Variants in SHANK2 observed in about 807,000 individuals in gnomAD.
The protein encoded by SHANK2 is SH3 and multiple ankyrin repeat domains protein 2.
A neutral mutation model predicts 133.7 loss-of-function variants in SHANK2; 43 were observed. The ratio of observed to expected loss-of-function variants is 0.32; its 90% CI spans 0.25 to 0.41. The LOEUF (loss-of-function observed/expected upper bound fraction) is 0.41. Ranked by LOEUF, SHANK2 falls within the 10% of genes least tolerant of loss-of-function variation. The pLI, the probability that SHANK2 is intolerant of heterozygous loss-of-function variation, is 1.00. For missense variants in SHANK2, 1,994 were observed against 2,235.8 expected, an observed-to-expected ratio of 0.89 and a Z score of 2.18; for synonymous variants, 1,017 against 952.8, an observed-to-expected ratio of 1.07 and a Z score of -1.24.
chr11:70,571,720 C>T (rs2060047679), intron 17 of SHANK2, among the ~76,000 whole-genome samples: 1 of 151,976 alleles, frequency 6.6e-6, no homozygotes, highest in African/African-American at 2.4e-5. Flanking sequence ...GAGGTCGATA[C>T]TGGAGGAGTC....
intron 1 of SHANK2, among the ~76,000 whole-genome samples, chr11:71,234,855 T>A (rs1555123488): frequency 6.6e-6 from 1 of 151,606 alleles, no homozygotes; most frequent in Non-Finnish European, 1.5e-5. Flanking sequence ...TGTCACACCC[T>A]CCCCCTCTAA....
At chr11:70,586,356 C>A (rs553227776) in intron 17 of SHANK2, among the ~76,000 whole-genome samples, 3 of 152,232 alleles carry the variant, frequency 2.0e-5, no homozygotes, top group East Asian at 3.9e-4. Flanking sequence ...GGATCACTTG[C>A]GCCTTAGAAG....
chr11:71,161,839 A>T (rs1173025883), intron 2 of SHANK2, among the ~76,000 whole-genome samples: 2 of 152,210 alleles, frequency 1.3e-5, no homozygotes, highest in Non-Finnish European at 2.9e-5. Context: ...GGCCTTAGTC[A>T]CTCACATTTG....
chr11:71,211,192 C>CTTTT (rs34505384), intron 2 of SHANK2, among the ~76,000 whole-genome samples: 15 of 101,960 alleles, frequency 1.5e-4, no homozygotes, highest in African/African-American at 4.9e-4. Context: ...GGTCAATTTC[C>CTTTT]TTTTTTTTTT....
chr11:71,063,655 G>A (rs897666430), intron 9 of SHANK2, among the ~76,000 whole-genome samples: 2 of 152,194 alleles, frequency 1.3e-5, no homozygotes, highest in African/African-American at 2.4e-5. Context: ...GCTCCCTTGC[G>A]AGGCTGCTGG....
At chr11:70,913,687 T>C (rs1950227087) in intron 10 of SHANK2, among the ~76,000 whole-genome samples, 1 of 152,178 alleles carries the variant, frequency 6.6e-6, no homozygotes, top group Non-Finnish European at 1.5e-5. Context: ...AAAGAGAAGA[T>C]TCTGAGTTTA....
chr11:70,826,730 C>G (rs1590731478), intron 11 of SHANK2: 1 of 320,786 alleles, frequency 3.1e-6, no homozygotes, highest in East Asian at 8.1e-5. Context: ...ACCAACTGCA[C>G]GTAGACGGGC....
chr11:71,066,260 GTACAGAACTCTCCCACGA>G lies in SHANK2; in HGVS notation c.1029+8881_1029+8898del, dbSNP rs1951061909. Among the ~76,000 whole-genome samples the G allele has an allele frequency of 9.4e-5, 3 of 31,758 alleles. 1 individual carries two copies. The highest frequency in any genetic ancestry group is 5.0e-4 in the Admixed American group (1 of 2,002). 20.8% of individuals were successfully genotyped at this position (31,758 alleles called of 152,430 possible). A position where few individuals can be genotyped will look rare whatever the true frequency, so the allele number is the denominator to read the frequency against. On this transcript the variant is annotated intron_variant, in intron 9 of 25. Coordinates refer to ENST00000601538, the MANE Select transcript of SHANK2 (RefSeq NM_012309.5). Reference sequence around the variant, plus strand: ...TGAGTGGGGAAGTTGGCGGGGGAGGGTACAGAACTCTCCCACGAAGATGAGCAGAGAGTGGGGAAGTTG... The same window carrying G: ...TGAGTGGGGAAGTTGGCGGGGGAGGGAGATGAGCAGAGAGTGGGGAAGTTG...
At chr11:70,657,159 A>G (rs1555011827) in intron 17 of SHANK2, among the ~76,000 whole-genome samples, 1 of 152,220 alleles carries the variant, frequency 6.6e-6, no homozygotes, top group East Asian at 1.9e-4. Flanking sequence ...GCAGAGAGAA[A>G]GGAAGGCTTG....
intron 17 of SHANK2, among the ~76,000 whole-genome samples, chr11:70,648,723 C>T (rs2061301731): frequency 6.6e-6 from 1 of 152,188 alleles, no homozygotes; most frequent in Admixed American, 6.5e-5. Context: ...CCACCTCCAT[C>T]AGCTTTTCAA....
chr11:70,486,041 C>A lies in SHANK2; in HGVS notation c.4252G>T (p.Ala1418Ser). 1 of 1,614,030 alleles carries A rather than the reference C, an allele frequency of 6.2e-7. No individual in the cohort carries two copies. Among genetic ancestry groups the A allele is most frequent in the Non-Finnish European group, 8.5e-7 (1 of 1,180,016 alleles). Residue 1418 changes from alanine (A) to serine (S), a missense_variant, in exon 25 of 26, where the codon GCA becomes TCA. This residue lies in a region of SHANK2 where 797 missense variants were observed against 907.4 expected (regional missense o/e 0.88). Coordinates refer to ENST00000601538, the MANE Select transcript of SHANK2 (RefSeq NM_012309.5). This position sits in a 1 kb window ranked among gnomAD's most constrained non-coding sequence, Gnocchi z 8.0. The stretch of plus-strand genomic sequence containing the variant: ...TCATCGGGGATATCAAAACTATTTG[C>A]AAATTCCAGGGGAGGAGGCAATGGC... ...TEPLPPPLEF[A>S]NSFDIPDDRA...
At chr11:70,537,186 C>G (rs999706861) in intron 17 of SHANK2, among the ~76,000 whole-genome samples, 1 of 152,170 alleles carries the variant, frequency 6.6e-6, no homozygotes, top group Admixed American at 6.5e-5. Context: ...TCCCCAACAG[C>G]CCCTCCAGAA....
At position 70,830,741 on chromosome 11, in the gene SHANK2, C is replaced by T. The variant is rs889519373; in HGVS notation, c.1175-10059G>A. 5.9e-5 allele frequency among the ~76,000 whole-genome samples: 9 copies of T among 152,198 alleles called. No homozygotes were observed. The highest frequency in any genetic ancestry group is 1.4e-4 in the African/African-American group (6 of 41,448). On this transcript the variant is annotated intron_variant, in intron 11 of 25. Coordinates refer to ENST00000601538, the MANE Select transcript of SHANK2 (RefSeq NM_012309.5). This position sits in a 1 kb window ranked among gnomAD's most constrained non-coding sequence, Gnocchi z 4.4. ...AAGCCTCAGGCTTTGGGAATGTCCCCGTGGAGCTGCCATCCTGGGTCCCTG... is the reference window on the plus strand; with the variant it reads ...AAGCCTCAGGCTTTGGGAATGTCCCTGTGGAGCTGCCATCCTGGGTCCCTG...
intron 17 of SHANK2, among the ~76,000 whole-genome samples, chr11:70,513,676 A>G (rs553236449): frequency 4.6e-5 from 7 of 152,376 alleles, no homozygotes; most frequent in African/African-American, 1.7e-4. Context: ...AATGAATAAA[A>G]GACAGGAAAT....
At chr11:70,928,445 G>A (rs1950458493) in intron 10 of SHANK2, among the ~76,000 whole-genome samples, 1 of 152,312 alleles carries the variant, frequency 6.6e-6, no homozygotes, top group Non-Finnish European at 1.5e-5. Context: ...TTTTTGACAT[G>A]AGAAACAGAG....
chr11:70,565,526 G>A (rs1438589663), intron 17 of SHANK2, among the ~76,000 whole-genome samples: 1 of 152,194 alleles, frequency 6.6e-6, no homozygotes, highest in Non-Finnish European at 1.5e-5. Flanking sequence ...GATTACAGGC[G>A]TGAGCCACCA....
intron 11 of SHANK2, among the ~76,000 whole-genome samples, chr11:70,875,418 AG>A (rs1273889389): frequency 6.6e-6 from 1 of 151,726 alleles, no homozygotes; most frequent in African/African-American, 2.4e-5. Context: ...CCAGCTACTC[AG>A]GAGGCTGAGG....
chr11:71,209,702 C>A (rs115021265), intron 2 of SHANK2, among the ~76,000 whole-genome samples: 2 of 152,180 alleles, frequency 1.3e-5, no homozygotes, highest in African/African-American at 2.4e-5. Flanking sequence ...TGCAGGAGAC[C>A]CTCCATACTG....
At chr11:70,474,120 C>G (rs1434016195) in intron 25 of SHANK2, 4 of 169,540 alleles carry the variant, frequency 2.4e-5, no homozygotes, top group African/African-American at 9.5e-5. Context: ...GCTTGTGTGG[C>G]CAGTGTGGGC....
Sources: gnomAD v4.1 joint callset for allele counts (sites outside exome capture counted in the v4.1 genomes callset) on GRCh38, gnomAD v4.1.1 for gene constraint, gnomAD v4.1.1 regional missense constraint, Gnocchi (gnomAD v3.1) non-coding constraint, MANE v1.5 for transcripts, NCBI Gene and HGNC (gene_info 2026-07-23, HGNC 2026-07-21) for gene names.